Variants in FA2H observed in about 807,000 individuals in gnomAD.
FA2H encodes the protein fatty acid 2-hydroxylase.
FA2H carries 22 observed loss-of-function variants against 44.9 expected under a neutral mutation model. The observed-to-expected ratio is 0.49, with a 90% CI of 0.35 to 0.70. FA2H has a LOEUF of 0.70. Among genes scored for constraint, FA2H ranks in the 30% least tolerant of loss-of-function variants. FA2H has a pLI of 0.01. For missense variants in FA2H, 501 were observed against 504.9 expected (o/e 0.99, Z 0.07); for synonymous variants, 243 against 213.2 (o/e 1.14, Z -1.22).
Position 74,716,424 on chromosome 16 carries a change from C to T in FA2H, c.962G>A (p.Gly321Asp). 6.2e-7 allele frequency: 1 copy of T among 1,613,968 alleles called. No individual in the cohort carries two copies. Among genetic ancestry groups the T allele is most frequent in the East Asian group, 2.2e-5 (1 of 44,826 alleles). ...CAGGTAGGAGCCCTTGTGCGGCGAG[C>T]CAAAGTGCAGGTAGTAATGGGTCAT... ...YDMTHYYLHF[G>D]SPHKGSYLYS... The change falls in exon 6 of 7, where the codon GGC becomes GAC. Residue 321 changes from glycine (G) to aspartate (D), a missense_variant. Physicochemically the swap from Gly to Asp is moderately conservative, Grantham distance 94. Coordinates refer to ENST00000219368, the MANE Select transcript of FA2H (RefSeq NM_024306.5).
chr16:74,774,798 C>A lies in FA2H; in HGVS notation c.-43G>T. On this transcript the variant is annotated 5_prime_UTR_variant, in exon 1 of 7. Transcript: ENST00000219368. The stretch of plus-strand genomic sequence containing the variant: ...CCCAGCGCGCAGCCCGGCGTCTGCT[C>A]TGCTGCCACCCTGAGCGCCTCTAAC... The A allele has an allele frequency of 2.4e-6, 3 of 1,270,028 alleles. No homozygotes were observed. The highest frequency in any genetic ancestry group is 5.9e-5 in the South Asian group (2 of 33,914). 78.7% of individuals were successfully genotyped at this position (1,270,028 alleles called of 1,614,324 possible). A position where few individuals can be genotyped will look rare whatever the true frequency, so the allele number is the denominator to read the frequency against.
rs1961696243 is a variant in FA2H at position 74,716,333 on chromosome 16, A to C, written c.1039+14T>G. 6.2e-7 allele frequency: 1 copy of C among 1,612,908 alleles called. No homozygotes were observed. The stretch of plus-strand genomic sequence containing the variant: ...ACACACATAGGGGGCTGGGAAGCAC[A>C]GGCCCATCCTCACCTGACTTCTGAT... On this transcript the variant is annotated intron_variant, in intron 6 of 6. Coordinates refer to ENST00000219368, the MANE Select transcript of FA2H (RefSeq NM_024306.5).
At chr16:74,717,011 G>A (rs2144602767) in intron 5 of FA2H, 1 of 199,114 alleles carries the variant, frequency 5.0e-6, no homozygotes, top group Non-Finnish European at 1.0e-5. Flanking sequence ...CCTAGACTGA[G>A]GCCTGATGTT....
intron 1 of FA2H, 44 bp from the exon 2 acceptor site, chr16:74,740,159 G>A (rs780872313): frequency 2.9e-5 from 43 of 1,505,054 alleles, no homozygotes; most frequent in Admixed American, 3.3e-5. Context: ...GTGGGTGAGG[G>A]AAGAGGGCAG....
chr16:74,735,180 G>A (rs902816962), intron 2 of FA2H, among the ~76,000 whole-genome samples: 2 of 152,204 alleles, frequency 1.3e-5, no homozygotes, highest in Non-Finnish European at 2.9e-5. Flanking sequence ...GCCCAGGCTC[G>A]GCCAGGAGGC....
In FA2H at chr16:74,774,748, G is replaced by A; in HGVS notation, c.8C>T (p.Pro3Leu). 2 of 1,310,692 alleles carry A rather than the reference G, an allele frequency of 1.5e-6. No homozygotes were observed. The highest frequency in any genetic ancestry group is 1.9e-6 in the Non-Finnish European group (2 of 1,038,710). 81.2% of individuals were successfully genotyped at this position (1,310,692 alleles called of 1,614,324 possible). Reference protein sequence around the residue: MAPAPPPAASFSP... With the variant: MALAPPPAASFSP... ...GAAGGAGGCGGCGGGGGGCGGAGCG[G>A]GGGCCATGGCCGGAGACCGCAGCTC... The change falls in exon 1 of 7, where the codon CCC (proline) becomes CTC (leucine). Residue 3 changes from proline (P) to leucine (L), a missense_variant. Pro to Leu is a moderately conservative substitution (Grantham distance 98, BLOSUM62 -3). Transcript: ENST00000219368.
intron 1 of FA2H, among the ~76,000 whole-genome samples, chr16:74,768,561 T>G (rs1282958051): frequency 6.6e-6 from 1 of 152,198 alleles, no homozygotes; most frequent in Non-Finnish European, 1.5e-5. Flanking sequence ...AGTCGACTTC[T>G]CGGCTCTACT....
At chr16:74,761,443 A>G (rs984008985) in intron 1 of FA2H, among the ~76,000 whole-genome samples, 1 of 146,062 alleles carries the variant, frequency 6.8e-6, no homozygotes, top group Non-Finnish European at 1.5e-5. Context: ...ACAGAGCAAG[A>G]CTCTGTCTCA....
chr16:74,718,867 C>T (rs1961766348), intron 5 of FA2H, 121 bp downstream of exon 5: 16 of 1,198,794 alleles, frequency 1.3e-5, no homozygotes, highest in East Asian at 5.0e-5. Context: ...TCAAACGTCC[C>T]GTCCCTCCCA....
intron 4 of FA2H, among the ~76,000 whole-genome samples, chr16:74,723,645 G>A (rs1241791499): frequency 6.6e-6 from 1 of 152,156 alleles, no homozygotes; most frequent in African/African-American, 2.4e-5. Context: ...AGCTGGGCTG[G>A]TCTGGTTGGT....
chr16:74,716,666 C>G (rs754694789), intron 5 of FA2H, 67 bp from the exon 6 acceptor site: 2 of 1,494,318 alleles, frequency 1.3e-6, no homozygotes, highest in South Asian at 2.6e-5. Context: ...AAACCCTGGC[C>G]ACTCCCTGCA....
At chr16:74,763,260 T>C (rs571123896) in intron 1 of FA2H, among the ~76,000 whole-genome samples, 1 of 152,248 alleles carries the variant, frequency 6.6e-6, no homozygotes, top group Admixed American at 6.5e-5. Flanking sequence ...GTTTGGAATT[T>C]TTTTTTGTTT....
intron 4 of FA2H, among the ~76,000 whole-genome samples, chr16:74,721,082 G>A (rs1029063751): frequency 6.6e-6 from 1 of 152,202 alleles, no homozygotes; most frequent in African/African-American, 2.4e-5. Context: ...TACAAGCCCA[G>A]GAGTGGTACT....
chr16:74,735,351 G>C (rs1962159622), intron 2 of FA2H, among the ~76,000 whole-genome samples: 1 of 152,198 alleles, frequency 6.6e-6, no homozygotes, highest in Non-Finnish European at 1.5e-5. Context: ...ACTGGGACAA[G>C]CTGAAGTCCA....
chr16:74,735,584 G>A (rs2158457), intron 2 of FA2H, among the ~76,000 whole-genome samples: 6 of 152,358 alleles, frequency 3.9e-5, no homozygotes, highest in Admixed American at 1.3e-4. Context: ...GGCTGAAGAC[G>A]AGCGAAGGGA....
intron 1 of FA2H, among the ~76,000 whole-genome samples, chr16:74,762,576 G>T (rs1331510150): frequency 6.6e-6 from 1 of 152,000 alleles, no homozygotes; most frequent in Non-Finnish European, 1.5e-5. Flanking sequence ...TGTCACCTAG[G>T]CTGGAGTGCA....
intron 2 of FA2H, among the ~76,000 whole-genome samples, chr16:74,737,902 C>T (rs369085228): frequency 3.3e-5 from 5 of 152,208 alleles, no homozygotes; most frequent in Admixed American, 2.6e-4. Flanking sequence ...TGGAGCACCG[C>T]GGGCTCCCCC....
At chr16:74,769,030 C>G (rs1397637534) in intron 1 of FA2H, among the ~76,000 whole-genome samples, 1 of 152,088 alleles carries the variant, frequency 6.6e-6, no homozygotes, top group Non-Finnish European at 1.5e-5. Flanking sequence ...ATGAGCCACC[C>G]TCTGGCAGTT....
Position 74,716,551 on chromosome 16 carries a change from G to A in FA2H, c.835C>T (p.Leu279=). The A allele has an allele frequency of 1.2e-6, 2 of 1,604,414 alleles. No individual in the cohort carries two copies. The highest frequency in any genetic ancestry group is 1.7e-6 in the Non-Finnish European group (2 of 1,175,698). ...CACAAGTAGAAGACGCCGATCACCA[G>A]GGAGGCTGGCACAGGGGGGAAGACC... The part of the protein sequence containing the change: ...RLVFPPVPAS[L]VIGVFYLCMQ... The change falls in exon 6 of 7, where the codon CTG becomes TTG. Residue 279 remains leucine (L), a synonymous_variant. Transcript: ENST00000219368.
Sources: gnomAD v4.1 joint callset for allele counts (sites outside exome capture counted in the v4.1 genomes callset) on GRCh38, gnomAD v4.1.1 for gene constraint, MANE v1.5 for transcripts, NCBI Gene and HGNC (gene_info 2026-07-23, HGNC 2026-07-21) for gene names.